Variants in SLC20A1 observed in about 807,000 individuals in gnomAD.
SLC20A1 encodes the protein solute carrier family 20 member 1, also known as sodium-dependent phosphate transporter 1.
In SLC20A1, 28 loss-of-function variants were observed where a neutral mutation model predicts 62.7. The observed-to-expected ratio is 0.45, with a 90% CI of 0.33 to 0.61. The LOEUF is 0.61. SLC20A1 is among the 20% of genes least tolerant of loss of function. The pLI is 0.02. For missense variants in SLC20A1, 673 were observed against 838.6 expected (o/e 0.80, Z 2.44); for synonymous variants, 305 against 302.9 (o/e 1.01, Z -0.07).
Position 112,658,810 on chromosome 2 carries a change from C to T in SLC20A1, c.779-15C>T. The T allele has an allele frequency of 2.5e-6, 4 of 1,582,260 alleles. No individual in the cohort carries two copies. The highest frequency in any genetic ancestry group is 1.2e-5 in the South Asian group (1 of 86,118). ...CCACAACCAAACCAAAAAAGACCCC[C>T]CTTTTTTTTCCTAGGAGAAATAAAG... On this transcript the variant is annotated splice_polypyrimidine_tract_variant and intron_variant, in intron 6 of 10. Coordinates refer to ENST00000272542, the MANE Select transcript of SLC20A1 (RefSeq NM_005415.5).
rs1432389004 is a variant in SLC20A1, at chr2:112,658,925, A to G, written c.879A>G (p.Glu293=). The stretch of plus-strand genomic sequence containing the variant: ...CAAAGTTGTCTGTTGGTGATATTGA[A>G]AACAAGCATCCTGTTTCTGAGGTAG... The part of the protein sequence containing the change: ...EETKLSVGDI[E]NKHPVSEVGP... Residue 293 remains glutamate (E), a synonymous_variant, in exon 7 of 11, where the codon GAA becomes GAG. Transcript: ENST00000272542. 6.2e-7 allele frequency: 1 copy of G among 1,614,198 alleles called. No individual in the cohort carries two copies. The highest frequency in any genetic ancestry group is 1.7e-5 in the Admixed American group (1 of 60,024).
At chr2:112,657,589 A>G (rs1686627195) in intron 6 of SLC20A1, among the ~76,000 whole-genome samples, 1 of 152,232 alleles carries the variant, frequency 6.6e-6, no homozygotes, top group Admixed American at 6.5e-5. Flanking sequence ...GAGAAGTAGA[A>G]GGATACCTTA....
chr2:112,661,803 C>T (rs1419308497), intron 10 of SLC20A1, among the ~76,000 whole-genome samples: 2 of 152,180 alleles, frequency 1.3e-5, no homozygotes, highest in South Asian at 4.1e-4. Flanking sequence ...CCTGGCTCGG[C>T]CTCCCAAAGT....
chr2:112,648,630 C>T (rs1460116494), intron 4 of SLC20A1, among the ~76,000 whole-genome samples: 4 of 152,238 alleles, frequency 2.6e-5, no homozygotes, highest in Admixed American at 1.3e-4. Flanking sequence ...TGTCTCTTCT[C>T]TGTAGAAATT....
intron 4 of SLC20A1, among the ~76,000 whole-genome samples, chr2:112,651,113 C>T (rs1686422571): frequency 6.6e-6 from 1 of 152,140 alleles, no homozygotes; most frequent in Non-Finnish European, 1.5e-5. Flanking sequence ...CTCTATTAAA[C>T]TATAGATAAG....
chr2:112,658,771 A>G lies in SLC20A1; in HGVS notation c.779-54A>G, dbSNP rs1686666673. The G allele has an allele frequency of 6.0e-5, 91 of 1,528,904 alleles. 1 individual carries two copies. In the South Asian group the frequency reaches 1.1e-3, roughly 19 times the overall value. The allele number at this position is 1,528,904 out of a possible 1,614,324, so 94.7% of individuals were successfully genotyped here. Reference sequence around the variant, plus strand: ...GGGGGTGGAGGAAAGGAGACGTGGAACAAAGTAGTATGGCCACAACCAAAC... The same window carrying G: ...GGGGGTGGAGGAAAGGAGACGTGGAGCAAAGTAGTATGGCCACAACCAAAC... On this transcript the variant is annotated intron_variant, in intron 6 of 10. Transcript: ENST00000272542.
chr2:112,663,001 C>G lies in SLC20A1; in HGVS notation c.2016C>G (p.Phe672Leu), dbSNP rs758486316. ...GVISAAIMAI[F>L]RYVILRM Reference sequence around the variant, plus strand: ...TCAGTGCTGCCATCATGGCAATCTTCAGATATGTCATCCTCAGAATGTGAA... The same window carrying G: ...TCAGTGCTGCCATCATGGCAATCTTGAGATATGTCATCCTCAGAATGTGAA... The change falls in exon 11 of 11, where the codon TTC (phenylalanine) becomes TTG (leucine). Residue 672 changes from phenylalanine (F) to leucine (L), a missense_variant. Phe to Leu is a conservative substitution (Grantham distance 22). Coordinates refer to ENST00000272542, the MANE Select transcript of SLC20A1 (RefSeq NM_005415.5). 1.3e-5 allele frequency: 21 copies of G among 1,614,062 alleles called. No individual in the cohort carries two copies. In the East Asian group the frequency reaches 4.7e-4, roughly 36 times the overall value.
In SLC20A1 at chr2:112,645,960, C is replaced by T. The variant is rs903017723; in HGVS notation, c.-436C>T. ...CGCTGGAGTGATGGCTGCCGGCGCTCTCTGCGTGGTTCTTCTTCTCGGCCG... is the reference window on the plus strand; with the variant it reads ...CGCTGGAGTGATGGCTGCCGGCGCTTTCTGCGTGGTTCTTCTTCTCGGCCG... On this transcript the variant is annotated 5_prime_UTR_variant, in exon 1 of 11. Transcript: ENST00000272542. The T allele has an allele frequency of 1.6e-4, 25 of 152,294 alleles. No individual in the cohort carries two copies. Among genetic ancestry groups the T allele is most frequent in the Admixed American group, 1.6e-3 (25 of 15,296 alleles). The allele number at this position is 152,294 out of a possible 1,614,324, so 9.4% of individuals were successfully genotyped here. A position where few individuals can be genotyped will look rare whatever the true frequency, so the allele number is the denominator to read the frequency against.
At chr2:112,660,640 T>C in intron 9 of SLC20A1, 68 bp downstream of exon 9, 2 of 1,334,790 alleles carry the variant, frequency 1.5e-6, no homozygotes, top group Non-Finnish European at 2.0e-6. Flanking sequence ...CACTGTCGAG[T>C]GCTAACACAA....
chr2:112,661,502 A>G (rs1193970077), intron 10 of SLC20A1, among the ~76,000 whole-genome samples: 1 of 135,148 alleles, frequency 7.4e-6, no homozygotes, highest in African/African-American at 2.6e-5. Context: ...TCTTTATAAT[A>G]ATTTTTTTTT....
Position 112,652,833 on chromosome 2 carries a change from A to T in SLC20A1, c.658+35A>T, listed in dbSNP as rs771914827. The T allele has an allele frequency of 4.3e-6, 7 of 1,611,834 alleles. No homozygotes were observed. In the South Asian group the frequency reaches 5.5e-5, roughly 13 times the overall value. ...TATCAAAATATTTAAATGTGAATTT[A>T]AAGTTGTTTACAAAACTTGCATTAA... On this transcript the variant is annotated intron_variant, in intron 5 of 10. Transcript: ENST00000272542.
Position 112,661,237 on chromosome 2 carries a change from T to C in SLC20A1, c.1878+11T>C. ...ACAACACATTGTAAAGTAAGTGTAA[T>C]GCCAATGTGTGTCTTTCAAATGGTT... On this transcript the variant is annotated intron_variant, in intron 10 of 10. Coordinates refer to ENST00000272542, the MANE Select transcript of SLC20A1 (RefSeq NM_005415.5). 1 of 1,583,090 alleles carries C rather than the reference T, an allele frequency of 6.3e-7. No homozygotes were observed. Among genetic ancestry groups the C allele is most frequent in the Non-Finnish European group, 8.7e-7 (1 of 1,152,020 alleles).
chr2:112,647,633 C>T lies in SLC20A1; in HGVS notation c.476-20C>T, dbSNP rs1049076124. On this transcript the variant is annotated intron_variant, in intron 3 of 10. Transcript: ENST00000272542. ...TGATTTTCATTATTTGATATTTTTT[C>T]TTAATGTGTTCTATTCCAGTGATGT... 1.2e-6 allele frequency: 2 copies of T among 1,600,434 alleles called. No individual in the cohort carries two copies. Among genetic ancestry groups the T allele is most frequent in the Non-Finnish European group, 1.7e-6 (2 of 1,169,424 alleles).
At chr2:112,651,928 C>T (rs1386190539) in intron 4 of SLC20A1, 1 of 152,260 alleles carries the variant, frequency 6.6e-6, no homozygotes, top group African/African-American at 2.4e-5. Context: ...ATGTACACAG[C>T]TTGCTAGCTT....
At chr2:112,661,851 C>T (rs964085744) in intron 10 of SLC20A1, among the ~76,000 whole-genome samples, 3 of 151,954 alleles carry the variant, frequency 2.0e-5, no homozygotes, top group African/African-American at 7.2e-5. Context: ...GCCCGGCCGA[C>T]AGCATTATGT....
chr2:112,655,873 T>A (rs1006600223), intron 5 of SLC20A1, among the ~76,000 whole-genome samples: 5 of 152,006 alleles, frequency 3.3e-5, no homozygotes, highest in South Asian at 2.1e-4. Context: ...CTGATTTTTT[T>A]AATTTTCAGT....
intron 4 of SLC20A1, among the ~76,000 whole-genome samples, chr2:112,648,589 GT>G (rs1332378845): frequency 6.6e-6 from 1 of 152,206 alleles, no homozygotes. Flanking sequence ...CACTTGTCTG[GT>G]CTAGTTGTAA....
At chr2:112,651,720 C>T (rs907698119) in intron 4 of SLC20A1, among the ~76,000 whole-genome samples, 4 of 152,154 alleles carry the variant, frequency 2.6e-5, no homozygotes, top group East Asian at 1.9e-4. Flanking sequence ...CCCATTCTTT[C>T]GGTGTTTGAC....
At chr2:112,656,082 T>C (rs1323116988) in intron 5 of SLC20A1, among the ~76,000 whole-genome samples, 1 of 152,140 alleles carries the variant, frequency 6.6e-6, no homozygotes, top group Admixed American at 6.5e-5. Context: ...ATGACTAATA[T>C]TACTCATTCT....
Sources: allele counts gnomAD v4.1 joint callset (sites outside exome capture counted in the v4.1 genomes callset), GRCh38; gene constraint gnomAD v4.1.1; transcripts MANE v1.5; gene names NCBI Gene and HGNC (gene_info 2026-07-23, HGNC 2026-07-21).